The following RBFOX1 variants were observed in gnomAD, a reference collection of about 807,000 sequenced individuals.
RBFOX1 encodes the protein RNA binding fox-1 homolog 1.
In RBFOX1, 8 loss-of-function variants were observed where a neutral mutation model predicts 57.7. The observed-to-expected ratio is 0.14, with a 90% CI of 0.08 to 0.25. RBFOX1 has a LOEUF of 0.25. RBFOX1 is among the 10% of genes least tolerant of loss of function. RBFOX1 has a pLI of 1.00. For synonymous variants in RBFOX1, 326 were observed against 222.4 expected (o/e 1.47, Z -4.15); for missense variants, 611 against 548.5 (o/e 1.11, Z -1.14).
At chr16:7,166,638 G>A (rs1026786070) in intron 4 of RBFOX1, among the ~76,000 whole-genome samples, 19 of 152,240 alleles carry the variant, frequency 1.2e-4, no homozygotes, top group Middle Eastern at 3.4e-3. Flanking sequence ...CGACACCCCT[G>A]AGCAGTCTGG....
chr16:6,843,978 A>G (rs918511614), intron 3 of RBFOX1, among the ~76,000 whole-genome samples: 1 of 152,070 alleles, frequency 6.6e-6, no homozygotes, highest in African/African-American at 2.4e-5. Flanking sequence ...AATGTGTACA[A>G]TTCACTATTA....
intron 4 of RBFOX1, among the ~76,000 whole-genome samples, chr16:7,367,885 T>TACAC (rs34277471): frequency 0.099 from 14,673 of 148,248 alleles, 1,193 homozygotes; most frequent in African/African-American, 0.23. Context: ...CATGCGTGCA[T>TACAC]ACACACACAC....
intron 3 of RBFOX1, among the ~76,000 whole-genome samples, chr16:6,710,177 C>G (rs2063474853): frequency 6.6e-6 from 1 of 152,156 alleles, no homozygotes. Context: ...ACTGTAGTTT[C>G]TAATTTGGTT....
intron 2 of RBFOX1, among the ~76,000 whole-genome samples, chr16:6,366,085 A>ATATG: frequency 6.9e-6 from 1 of 144,422 alleles, no homozygotes; most frequent in East Asian, 2.1e-4. Context: ...TGGCCATTCT[A>ATATG]TGTGTGTGTG....
chr16:5,383,686 A>G (rs796474075), intron 1 of RBFOX1, among the ~76,000 whole-genome samples: 10 of 152,308 alleles, frequency 6.6e-5, no homozygotes, highest in African/African-American at 2.4e-4. Flanking sequence ...TGTTTATAAG[A>G]TGTTTCACAC....
At chr16:7,304,579 G>A in intron 4 of RBFOX1, 2 of 985,374 alleles carry the variant, frequency 2.0e-6, no homozygotes, top group Non-Finnish European at 2.4e-6. Flanking sequence ...GCCTTATGTA[G>A]GTTCTGAGGA....
Position 6,947,266 on chromosome 16 carries a change from T to C in RBFOX1, c.-15-104791T>C, listed in dbSNP as rs550872669. On this transcript the variant is annotated intron_variant, in intron 3 of 15. Transcript: ENST00000550418. ...TCAGAAGCTCTTCTTATTTTCCTGTTTTTCACCTTGATTTTGGAGTAAGGT... is the reference window on the plus strand; with the variant it reads ...TCAGAAGCTCTTCTTATTTTCCTGTCTTTCACCTTGATTTTGGAGTAAGGT... Among the ~76,000 whole-genome samples, 8 of 152,272 alleles carry C rather than the reference T, an allele frequency of 5.3e-5. No individual in the cohort carries two copies. In the East Asian group the frequency reaches 1.4e-3, roughly 26 times the overall value.
intron 2 of RBFOX1, among the ~76,000 whole-genome samples, chr16:6,626,707 C>T (rs942948647): frequency 7.9e-5 from 12 of 151,928 alleles, no homozygotes; most frequent in South Asian, 6.2e-4. Flanking sequence ...TTGCAGTGAG[C>T]CAAGATTGCA....
chr16:5,344,235 T>G lies in RBFOX1; in HGVS notation c.219+104130T>G, dbSNP rs61485852. 6.5e-3 allele frequency among the ~76,000 whole-genome samples: 994 copies of G among 152,336 alleles called. 15 individuals carry two copies. The highest frequency in any genetic ancestry group is 0.022 in the African/African-American group (931 of 41,568). ...AGCTGTTGGCCTCTTGCCCTAGGTT[T>G]GGGTTCTCTCCCATGTCCTGCAGCT... is the stretch of plus-strand genomic sequence containing the variant. On this transcript the variant is annotated intron_variant, in intron 1 of 2. Coordinates refer to the RBFOX1 transcript ENST00000585867.
At chr16:5,578,598 A>G (rs953896815) in intron 2 of RBFOX1, among the ~76,000 whole-genome samples, 1 of 152,208 alleles carries the variant, frequency 6.6e-6, no homozygotes, top group African/African-American at 2.4e-5. Flanking sequence ...GACTCCTGGC[A>G]TGGGAGAAAA....
chr16:6,662,925 GA>G (rs1452160623), intron 3 of RBFOX1, among the ~76,000 whole-genome samples: 1 of 152,148 alleles, frequency 6.6e-6, no homozygotes, highest in Non-Finnish European at 1.5e-5. Context: ...ACAATTTAAA[GA>G]AAAGCACATG....
At chr16:7,200,518 C>T (rs2088082069) in intron 4 of RBFOX1, among the ~76,000 whole-genome samples, 1 of 152,186 alleles carries the variant, frequency 6.6e-6, no homozygotes, top group South Asian at 2.1e-4. Context: ...ACCCCACAGA[C>T]AACATCACTG....
At chr16:5,909,371 C>T (rs1319759855) in intron 4 of RBFOX1, among the ~76,000 whole-genome samples, 3 of 151,922 alleles carry the variant, frequency 2.0e-5, no homozygotes, top group Non-Finnish European at 2.9e-5. Flanking sequence ...GGATTACAGG[C>T]GTGAGCCACT....
intron 4 of RBFOX1, among the ~76,000 whole-genome samples, chr16:7,278,553 TCATGA>T (rs1159360062): frequency 1.3e-5 from 2 of 152,242 alleles, no homozygotes; most frequent in Non-Finnish European, 2.9e-5. Context: ...TTAAAATTTA[TCATGA>T]CTGTCTGTGG....
chr16:6,918,709 C>G (rs1460698344), intron 3 of RBFOX1, among the ~76,000 whole-genome samples: 1 of 152,190 alleles, frequency 6.6e-6, no homozygotes, highest in African/African-American at 2.4e-5. Context: ...AGAAATCATT[C>G]TCTGCCTTCC....
At chr16:7,313,475 CT>C (rs5815390) in intron 4 of RBFOX1, among the ~76,000 whole-genome samples, 7 of 144,314 alleles carry the variant, frequency 4.9e-5, no homozygotes, top group African/African-American at 7.7e-5. Context: ...CTTTTCTTGT[CT>C]TTTTTTTTTT....
chr16:5,475,784 C>A (rs1208852000), intron 2 of RBFOX1, among the ~76,000 whole-genome samples: 1 of 152,174 alleles, frequency 6.6e-6, no homozygotes, highest in Non-Finnish European at 1.5e-5. Flanking sequence ...AGTGCCTGGA[C>A]CTGGCTCTAG....
intron 3 of RBFOX1, among the ~76,000 whole-genome samples, chr16:6,883,585 A>G (rs1227209285): frequency 3.9e-5 from 6 of 152,350 alleles, no homozygotes; most frequent in African/African-American, 1.4e-4. Context: ...AAGAGAAAAT[A>G]TTGAAGTAAC....
chr16:6,669,673 G>C (rs1383130603), intron 3 of RBFOX1, among the ~76,000 whole-genome samples: 3 of 151,906 alleles, frequency 2.0e-5, no homozygotes, highest in Non-Finnish European at 4.4e-5. Context: ...AGTGTGGTGA[G>C]AACACTTAAG....
Sources: gnomAD v4.1 joint callset for allele counts (sites outside exome capture counted in the v4.1 genomes callset) on GRCh38, gnomAD v4.1.1 for gene constraint, MANE v1.5 for transcripts, NCBI Gene and HGNC (gene_info 2026-07-23, HGNC 2026-07-21) for gene names.